The following AGAP1 variants were observed in gnomAD, a reference collection of about 807,000 sequenced individuals.
The protein encoded by AGAP1 is ArfGAP with GTPase domain, ankyrin repeat and PH domain 1.
Under a neutral mutation model 105.3 loss-of-function variants are expected in AGAP1, and 29 were observed. The observed-to-expected ratio is 0.28, with a 90% confidence interval of 0.21 to 0.38. The LOEUF is 0.38. Among genes scored for constraint, AGAP1 ranks in the 10% least tolerant of loss-of-function variants. The pLI is 1.00. For synonymous variants in AGAP1, 509 were observed against 485.9 expected, an observed-to-expected ratio of 1.05 and a Z score of -0.63; for missense variants, 998 against 1,165.1, an observed-to-expected ratio of 0.86 and a Z score of 2.09.
At chr2:235,956,636 G>A (rs1379380520) in intron 12 of AGAP1, among the ~76,000 whole-genome samples, 1 of 152,236 alleles carries the variant, frequency 6.6e-6, no homozygotes, top group Non-Finnish European at 1.5e-5. Context: ...CGAGAACACA[G>A]AGAAGCTTGA....
chr2:235,944,301 CAGCTCTAGTA>C (rs1189825421), intron 12 of AGAP1, among the ~76,000 whole-genome samples: 1 of 152,170 alleles, frequency 6.6e-6, no homozygotes, highest in Non-Finnish European at 1.5e-5. Context: ...TTCAAGAATT[CAGCTCTAGTA>C]GGAGGCTTAC....
intron 1 of AGAP1, among the ~76,000 whole-genome samples, chr2:235,618,457 C>CT (rs1946375695): frequency 6.6e-6 from 1 of 152,094 alleles, no homozygotes; most frequent in Non-Finnish European, 1.5e-5. Context: ...CAGGTCTGGT[C>CT]TTTCTTAGTT....
At position 235,964,914 on chromosome 2, in the gene AGAP1, G is replaced by A. The variant is rs190714277; in HGVS notation, c.1484-3548G>A. Among the ~76,000 whole-genome samples, 15 of 152,246 alleles carry A rather than the reference G, an allele frequency of 9.9e-5. No homozygotes were observed. Among genetic ancestry groups the A allele is most frequent in the Non-Finnish European group, 1.2e-4 (8 of 68,014 alleles). The stretch of plus-strand genomic sequence containing the variant: ...AATGGAGAGCAGGCAGTCATGGAGC[G>A]GCTTTGTGAAAACAGGCTGAGCTCG... On this transcript the variant is annotated intron_variant, in intron 12 of 17. Transcript: ENST00000304032. This position sits in a 1 kb window ranked among gnomAD's most constrained non-coding sequence, Gnocchi z 4.6.
In AGAP1 at chr2:235,992,963, C is replaced by A. The variant is rs1420416920; in HGVS notation, c.1645+24340C>A. ...TGGCCACATAGTGGAACTGGAAATG[C>A]CTCCATGCTGACGTGTCTGCCTTTC... On this transcript the variant is annotated intron_variant, in intron 13 of 17. Transcript: ENST00000304032. The surrounding 1 kb of genome is among the most constrained non-coding windows in gnomAD (Gnocchi z 4.8). Among the ~76,000 whole-genome samples the A allele has an allele frequency of 2.6e-5, 4 of 152,158 alleles. No individual in the cohort carries two copies. In the South Asian group the frequency reaches 6.2e-4, roughly 24 times the overall value.
At chr2:235,818,609 C>T (rs1306640616) in intron 9 of AGAP1, among the ~76,000 whole-genome samples, 6 of 151,858 alleles carry the variant, frequency 4.0e-5, no homozygotes, top group African/African-American at 9.7e-5. Flanking sequence ...TGCCCAGCTA[C>T]GTTTTGTATT....
Position 235,719,126 on chromosome 2 carries a change from C to G in AGAP1, c.310+1482C>G, listed in dbSNP as rs1951257211. ...TCTAAGTAAATCTACTTTCAGGGCC[C>G]TGCAACTCTGTGGATTTCAAGCTGG... On this transcript the variant is annotated intron_variant, in intron 3 of 17. Transcript: ENST00000304032. The surrounding 1 kb of genome is among the most constrained non-coding windows in gnomAD (Gnocchi z 4.9). 6.6e-6 allele frequency among the ~76,000 whole-genome samples: 1 copy of G among 152,136 alleles called. No individual in the cohort carries two copies. The highest frequency in any genetic ancestry group is 2.4e-5 in the African/African-American group (1 of 41,422).
intron 1 of AGAP1, among the ~76,000 whole-genome samples, chr2:235,681,916 T>C (rs922629141): frequency 7.3e-6 from 1 of 136,542 alleles, no homozygotes; most frequent in Admixed American, 7.8e-5. Flanking sequence ...AGTGGCACAA[T>C]CTCAGCTCAC....
At chr2:235,886,176 C>T (rs2050266425) in intron 10 of AGAP1, among the ~76,000 whole-genome samples, 1 of 152,238 alleles carries the variant, frequency 6.6e-6, no homozygotes, top group African/African-American at 2.4e-5. Context: ...TGGCTTAGCT[C>T]CTCCTATGGA....
At chr2:235,646,488 A>G (rs956171477) in intron 1 of AGAP1, among the ~76,000 whole-genome samples, 16 of 152,212 alleles carry the variant, frequency 1.1e-4, no homozygotes, top group Non-Finnish European at 1.6e-4. Flanking sequence ...GACCAAAACC[A>G]GACGTCAGCT....
At position 235,751,968 on chromosome 2, in the gene AGAP1, C is replaced by A. The variant is rs117400637; in HGVS notation, c.673+1480C>A. ...GTGGGGAGTAAACCTCATTTCAAGC[C>A]GTGCTGGTGAACATGAGTGAGATGT... On this transcript the variant is annotated intron_variant, in intron 6 of 17. Transcript: ENST00000304032. This position sits in a 1 kb window ranked among gnomAD's most constrained non-coding sequence, Gnocchi z 5.3. 6.6e-6 allele frequency among the ~76,000 whole-genome samples: 1 copy of A among 152,286 alleles called. No individual in the cohort carries two copies. The highest frequency in any genetic ancestry group is 1.9e-4 in the East Asian group (1 of 5,166).
At chr2:236,007,089 G>T (rs371141415) in intron 13 of AGAP1, among the ~76,000 whole-genome samples, 5 of 152,346 alleles carry the variant, frequency 3.3e-5, no homozygotes, top group East Asian at 1.9e-4. Context: ...TTAAAGGAAG[G>T]ATTTCCATAA....
chr2:235,749,448 G>A (rs150889563), intron 5 of AGAP1, among the ~76,000 whole-genome samples: 18 of 151,544 alleles, frequency 1.2e-4, no homozygotes, highest in Admixed American at 5.3e-4. Context: ...CTGCTCAAAC[G>A]CCCCCGTGTG....
At chr2:235,619,942 G>A (rs1018442583) in intron 1 of AGAP1, among the ~76,000 whole-genome samples, 3 of 152,060 alleles carry the variant, frequency 2.0e-5, no homozygotes, top group East Asian at 3.9e-4. Flanking sequence ...CACTGCTGGC[G>A]CCCCGATCCC....
At chr2:235,780,501 G>A (rs1956195459) in intron 6 of AGAP1, among the ~76,000 whole-genome samples, 1 of 152,152 alleles carries the variant, frequency 6.6e-6, no homozygotes. Flanking sequence ...GCACACCACA[G>A]ATTTGCTGAA....
intron 13 of AGAP1, among the ~76,000 whole-genome samples, chr2:235,991,932 C>T (rs1406651664): frequency 6.6e-6 from 1 of 152,186 alleles, no homozygotes; most frequent in Non-Finnish European, 1.5e-5. Flanking sequence ...CAGATTCAGA[C>T]TTGCAAAAAA....
chr2:235,627,019 C>A (rs2149279777), intron 1 of AGAP1, among the ~76,000 whole-genome samples: 1 of 152,144 alleles, frequency 6.6e-6, no homozygotes. Flanking sequence ...GTTCACATAA[C>A]GTAAGTTTGA....
At position 235,726,834 on chromosome 2, in the gene AGAP1, TCTTAA is replaced by T. The variant is rs1435312774; in HGVS notation, c.310+9194_310+9198del. On this transcript the variant is annotated intron_variant, in intron 3 of 17. Transcript: ENST00000304032. ...GTGGGCCAGTGGTGAATTATTAACT[TCTTAA>T]CTTGCATCTCTGGAGCTGCCAAGGG... Among the ~76,000 whole-genome samples the T allele has an allele frequency of 2.6e-5, 4 of 152,102 alleles. No homozygotes were observed. In the East Asian group the frequency reaches 7.8e-4, roughly 30 times the overall value.
At chr2:235,650,550 C>CA (rs1947548309) in intron 1 of AGAP1, among the ~76,000 whole-genome samples, 1 of 151,956 alleles carries the variant, frequency 6.6e-6, no homozygotes, top group East Asian at 1.9e-4. Context: ...AAGAAGTAAA[C>CA]ATAGAAAACA....
rs1945703817 is a variant in AGAP1 at position 235,600,798 on chromosome 2, C to G, written c.163+105949C>G. ...GGGTCTGCCTTCCCCAGCCCGTTGA[C>G]TCAAATGTTAATCTCCTTTGGCAGC... On this transcript the variant is annotated intron_variant, in intron 1 of 17. Transcript: ENST00000304032. The surrounding 1 kb of genome is among the most constrained non-coding windows in gnomAD (Gnocchi z 4.8). 6.6e-6 allele frequency among the ~76,000 whole-genome samples: 1 copy of G among 152,214 alleles called. No homozygotes were observed. Among genetic ancestry groups the G allele is most frequent in the African/African-American group, 2.4e-5 (1 of 41,456 alleles).
Sources: allele counts gnomAD v4.1 joint callset (sites outside exome capture counted in the v4.1 genomes callset), GRCh38; gene constraint gnomAD v4.1.1; non-coding constraint Gnocchi (gnomAD v3.1); transcripts MANE v1.5; gene names NCBI Gene and HGNC (gene_info 2026-07-23, HGNC 2026-07-21).